HLCS: variants seen among roughly 807,000 people sequenced by gnomAD.
HLCS encodes holocarboxylase synthetase, also known as biotin--protein ligase.
A neutral mutation model predicts 75.0 loss-of-function variants in HLCS; 53 were observed. The observed-to-expected ratio is 0.71, with a 90% CI of 0.57 to 0.89. The LOEUF is 0.89. HLCS is among the 40% of genes least tolerant of loss of function. The pLI is 0.00. For synonymous variants in HLCS, 431 were observed against 428.6 expected, an observed-to-expected ratio of 1.01 and a Z score of -0.07; for missense variants, 966 against 1,074.0, an observed-to-expected ratio of 0.90 and a Z score of 1.41.
At chr21:36,778,399 C>A (rs1323630521) in intron 6 of HLCS, among the ~76,000 whole-genome samples, 1 of 152,190 alleles carries the variant, frequency 6.6e-6, no homozygotes, top group Admixed American at 6.5e-5. Flanking sequence ...CCTGCCACAG[C>A]CTCCCGAGTA....
chr21:36,817,237 C>G (rs184616300), intron 6 of HLCS, among the ~76,000 whole-genome samples: 5 of 152,280 alleles, frequency 3.3e-5, no homozygotes, highest in African/African-American at 9.6e-5. Flanking sequence ...TTTCTTTTTA[C>G]TCGCACTTGG....
intron 6 of HLCS, among the ~76,000 whole-genome samples, chr21:36,856,177 T>C (rs927904237): frequency 1.3e-5 from 2 of 152,202 alleles, no homozygotes; most frequent in African/African-American, 2.4e-5. Flanking sequence ...GAGAATATAA[T>C]TTTAAAAACC....
rs558971505 is a variant in HLCS, at chr21:36,768,522, G to A, written c.1893-1237C>T. 6.6e-4 allele frequency among the ~76,000 whole-genome samples: 100 copies of A among 152,336 alleles called. 1 individual carries two copies. The highest frequency in any genetic ancestry group is 8.8e-5 in the Non-Finnish European group (6 of 68,034). On this transcript the variant is annotated intron_variant, in intron 6 of 10. Transcript: ENST00000674895. ...CATGGCTCACAGAGCTCCGTCTGAC[G>A]GCGCATGCAGGCCTCAGTTGGGACA...
At chr21:36,791,802 T>C (rs2060874846) in intron 6 of HLCS, among the ~76,000 whole-genome samples, 1 of 151,866 alleles carries the variant, frequency 6.6e-6, no homozygotes, top group South Asian at 2.1e-4. Flanking sequence ...AAGGATTAAG[T>C]TTCCATGGCT....
chr21:36,771,761 G>A (rs1242260485), intron 6 of HLCS, among the ~76,000 whole-genome samples: 6 of 152,192 alleles, frequency 3.9e-5, no homozygotes, highest in Admixed American at 3.9e-4. Flanking sequence ...CACTTTGGGA[G>A]GCCGAGACGG....
intron 7 of HLCS, 61 bp from the exon 8 acceptor site, chr21:36,765,233 C>A: frequency 1.3e-6 from 2 of 1,510,436 alleles, no homozygotes; most frequent in Non-Finnish European, 9.2e-7. Context: ...CGCAGACACA[C>A]GTCATGCCAG....
rs763524800 is a variant in HLCS, at chr21:36,936,912, C to T, written c.974G>A (p.Arg325Gln). The change falls in exon 4 of 11, where the codon CGG (arginine) becomes CAG (glutamine). Residue 325 changes from arginine to glutamine, a missense_variant. By Grantham distance (43) the Arg-to-Gln change is conservative. Coordinates refer to ENST00000674895, the MANE Select transcript of HLCS (RefSeq NM_001352514.2). ...VGSDSQEALGRFHEVRSVLAD... is the reference protein window; with the variant it reads ...VGSDSQEALGQFHEVRSVLAD... ...CAGCACAGACCGGACCTCGTGGAAC[C>T]GGCCGAGGGCTTCCTGGGAGTCGGA... 7 of 1,614,066 alleles carry T rather than the reference C, an allele frequency of 4.3e-6. No homozygotes were observed. The highest frequency in any genetic ancestry group is 2.7e-5 in the African/African-American group (2 of 74,934).
chr21:36,884,171 A>G (rs1408971770), intron 6 of HLCS, among the ~76,000 whole-genome samples: 1 of 152,264 alleles, frequency 6.6e-6, no homozygotes, highest in East Asian at 1.9e-4. Context: ...TTCAGGCACC[A>G]GATAAAAGAA....
chr21:36,796,839 A>G (rs1483272018), intron 6 of HLCS, among the ~76,000 whole-genome samples: 1 of 151,724 alleles, frequency 6.6e-6, no homozygotes, highest in East Asian at 1.9e-4. Flanking sequence ...TAAATCCACA[A>G]GTTTATTAAA....
chr21:36,959,753 G>C (rs1423445553), intron 2 of HLCS, among the ~76,000 whole-genome samples: 1 of 152,218 alleles, frequency 6.6e-6, no homozygotes, highest in Non-Finnish European at 1.5e-5. Context: ...CCTGAGAGCT[G>C]TTCTGCCACT....
chr21:36,936,509 C>G lies in HLCS; in HGVS notation c.1377G>C (p.Lys459Asn). The stretch of plus-strand genomic sequence containing the variant: ...AAGGCACATGCACAATCATCCTGTC[C>G]TTGTCCTCATTCTCCAGGTGGCCCT... ...RLQGHLENED[K>N]DRMIVHVPFG... Residue 459 changes from lysine to asparagine, a missense_variant, in exon 4 of 11, where the codon AAG (lysine) becomes AAC (asparagine). Physicochemically the swap from Lys to Asn is moderately conservative, Grantham distance 94. Coordinates refer to ENST00000674895, the MANE Select transcript of HLCS (RefSeq NM_001352514.2). 6.2e-7 allele frequency: 1 copy of G among 1,614,258 alleles called. No individual in the cohort carries two copies. The highest frequency in any genetic ancestry group is 8.5e-7 in the Non-Finnish European group (1 of 1,180,050).
At chr21:36,974,531 C>T (rs1327790103) in intron 1 of HLCS, 2 of 152,248 alleles carry the variant, frequency 1.3e-5, no homozygotes, top group African/African-American at 2.4e-5. Context: ...CCCAGTACCT[C>T]AGAATGGGAC....
chr21:36,867,460 C>T (rs1056178059), intron 6 of HLCS, among the ~76,000 whole-genome samples: 3 of 152,184 alleles, frequency 2.0e-5, no homozygotes, highest in African/African-American at 7.2e-5. Flanking sequence ...AGAATTTTGG[C>T]TGCAAAGTGC....
At position 36,765,019 on chromosome 21, in the gene HLCS, T is replaced by C; in HGVS notation, c.2114A>G (p.Glu705Gly). ...AGACTGAACTGTACCTACCTGATACTCGGGAATGGACCTCACTGCTTCCAC... is the reference window on the plus strand; with the variant it reads ...AGACTGAACTGTACCTACCTGATACCCGGGAATGGACCTCACTGCTTCCAC... ...AVVEAVRSIP[E>G]YQDINLRVKW... The change falls in exon 8 of 11, where the codon GAG becomes GGG. Residue 705 changes from glutamate (E) to glycine (G), a missense_variant. Transcript: ENST00000674895. 2 of 1,614,182 alleles carry C rather than the reference T, an allele frequency of 1.2e-6. No individual in the cohort carries two copies. Among genetic ancestry groups the C allele is most frequent in the Non-Finnish European group, 1.7e-6 (2 of 1,180,018 alleles).
intron 2 of HLCS, among the ~76,000 whole-genome samples, chr21:36,958,653 G>C (rs2068104722): frequency 6.6e-6 from 1 of 152,100 alleles, no homozygotes; most frequent in African/African-American, 2.4e-5. Flanking sequence ...GCTGGGCGTG[G>C]CAGCGTGCGC....
At chr21:36,828,787 C>A (rs1308833403) in intron 6 of HLCS, among the ~76,000 whole-genome samples, 1 of 152,226 alleles carries the variant, frequency 6.6e-6, no homozygotes, top group Non-Finnish European at 1.5e-5. Context: ...TTCAGGATCA[C>A]TACTTTGATC....
intron 6 of HLCS, among the ~76,000 whole-genome samples, chr21:36,813,467 A>G (rs77456152): frequency 0.046 from 7,036 of 152,270 alleles, 551 homozygotes; most frequent in African/African-American, 0.16. Flanking sequence ...CCAAGCAGGG[A>G]TCATGGGAGA....
intron 6 of HLCS, among the ~76,000 whole-genome samples, chr21:36,820,370 GCCGGGC>G (rs1555901009): frequency 1.3e-5 from 2 of 152,102 alleles, no homozygotes. Context: ...CCCAGCCACG[GCCGGGC>G]CGCCGACTGG....
rs550375669 is a variant in HLCS at position 36,847,889 on chromosome 21, C to T, written c.1892+48971G>A. ...AAAATTCTCTCATCTTCTTTCAATGCATGCAGAAACCTTTTGTTTATTTAC... is the reference window on the plus strand; with the variant it reads ...AAAATTCTCTCATCTTCTTTCAATGTATGCAGAAACCTTTTGTTTATTTAC... On this transcript the variant is annotated intron_variant, in intron 6 of 10. Transcript: ENST00000674895. 2.0e-5 allele frequency among the ~76,000 whole-genome samples: 3 copies of T among 152,306 alleles called. No homozygotes were observed. In the South Asian group the frequency reaches 6.2e-4, roughly 32 times the overall value.
Sources: allele counts gnomAD v4.1 joint callset (sites outside exome capture counted in the v4.1 genomes callset), GRCh38; gene constraint gnomAD v4.1.1; transcripts MANE v1.5; gene names NCBI Gene and HGNC (gene_info 2026-07-23, HGNC 2026-07-21).